SYBU: variants seen among roughly 807,000 people sequenced by gnomAD.
The protein encoded by SYBU is GOLSYN A protein.
A neutral mutation model predicts 35.9 loss-of-function variants in SYBU; 21 were observed. The ratio of observed to expected loss-of-function variants is 0.58; its 90% CI spans 0.41 to 0.84. The LOEUF (loss-of-function observed/expected upper bound fraction) is 0.84, where lower values mean the gene tolerates loss of function less well. Ranked by LOEUF, SYBU falls within the 40% of genes least tolerant of loss-of-function variation. The pLI is 0.00. For missense variants in SYBU, 768 were observed against 848.2 expected (o/e 0.91, Z 1.17); for synonymous variants, 319 against 324.3 (o/e 0.98, Z 0.18).
At chr8:109,673,579 A>G (rs1817069489) in intron 1 of SYBU, among the ~76,000 whole-genome samples, 1 of 152,218 alleles carries the variant, frequency 6.6e-6, no homozygotes, top group South Asian at 2.1e-4. Flanking sequence ...AGATGAGGAA[A>G]AAGTGCAAAA....
chr8:109,607,831 C>CACACACACAT lies in SYBU; in HGVS notation c.427+11010_427+11011insATGTGTGTGT. On this transcript the variant is annotated intron_variant, in intron 3 of 6. Coordinates refer to ENST00000276646, the MANE Select transcript of SYBU (RefSeq NM_001099754.2). ...ACTCACACACACACACACACACACA[C>CACACACACAT]ACACACACACACACACACACACAGT... 9.2e-6 allele frequency: 7 copies of CACACACACAT among 760,626 alleles called. No homozygotes were observed. The South Asian group carries it at 1.2e-4, about 13-fold the overall frequency. 47.1% of individuals were successfully genotyped at this position (760,626 alleles called of 1,614,324 possible). A position where few individuals can be genotyped will look rare whatever the true frequency, so the allele number is the denominator to read the frequency against.
Position 109,575,002 on chromosome 8 carries a change from T to C in SYBU, c.1896A>G (p.Gly632=). ...CCCCGATGTTATACACAGGATCCGT[T>C]CCCCCTCTCTGAGTACTGAATGCCC... ...VLWAFSTQRG[G]TDPVYNIGAL... Residue 632 remains glycine (G), a synonymous_variant, in exon 7 of 7, where the codon GGA becomes GGG. Transcript: ENST00000276646. 2 of 1,585,808 alleles carry C rather than the reference T, an allele frequency of 1.3e-6. No homozygotes were observed. The highest frequency in any genetic ancestry group is 2.2e-5 in the East Asian group (1 of 44,538).
intron 1 of SYBU, among the ~76,000 whole-genome samples, chr8:109,689,653 G>A (rs1438760447): frequency 6.6e-6 from 1 of 152,050 alleles, no homozygotes; most frequent in Non-Finnish European, 1.5e-5. Context: ...CTTATATGTA[G>A]ATTCGTGTAA....
intron 1 of SYBU, among the ~76,000 whole-genome samples, chr8:109,650,184 C>T (rs1485398879): frequency 6.6e-6 from 1 of 152,052 alleles, no homozygotes; most frequent in East Asian, 1.9e-4. Context: ...ACTCAGCATC[C>T]ATAGCAGTCT....
intron 2 of SYBU, among the ~76,000 whole-genome samples, chr8:109,628,706 C>A (rs188055862): frequency 6.6e-6 from 1 of 151,812 alleles, no homozygotes; most frequent in Non-Finnish European, 1.5e-5. Flanking sequence ...TCTATAGTCC[C>A]GGCTATGCAG....
At chr8:109,601,354 A>C (rs1295400676) in intron 3 of SYBU, among the ~76,000 whole-genome samples, 3 of 152,206 alleles carry the variant, frequency 2.0e-5, no homozygotes, top group African/African-American at 7.2e-5. Context: ...CAAAGATCTA[A>C]GATCAGGAAA....
Position 109,586,374 on chromosome 8 carries a change from C to T in SYBU, c.428-212G>A, listed in dbSNP as rs992979766. The T allele has an allele frequency of 5.5e-6, 3 of 541,468 alleles. No homozygotes were observed. The East Asian group carries it at 9.1e-5, about 16-fold the overall frequency. 33.5% of individuals were successfully genotyped at this position (541,468 alleles called of 1,614,324 possible). ...TCATTTCATAAACACAGCTAAGATG[C>T]ACAGTAAGGCTGGTTTCATAAAGAG... On this transcript the variant is annotated intron_variant, in intron 3 of 6. Coordinates refer to ENST00000276646, the MANE Select transcript of SYBU (RefSeq NM_001099754.2).
intron 6 of SYBU, among the ~76,000 whole-genome samples, chr8:109,576,475 C>CT (rs1437893287): frequency 1.3e-5 from 2 of 152,202 alleles, no homozygotes; most frequent in African/African-American, 4.8e-5. Flanking sequence ...ATATCCTACC[C>CT]TTTCCAAATG....
At chr8:109,672,978 T>C (rs13265058) in intron 1 of SYBU, among the ~76,000 whole-genome samples, 12,095 of 152,252 alleles carry the variant, frequency 0.079, 611 homozygotes, top group East Asian at 0.12. Flanking sequence ...GACTGCCTCT[T>C]TGGGTTCCTC....
intron 6 of SYBU, among the ~76,000 whole-genome samples, chr8:109,576,308 CAG>C: frequency 6.6e-6 from 1 of 152,234 alleles, no homozygotes. Context: ...TAATAGTAAT[CAG>C]AATCAGAATC....
intron 1 of SYBU, among the ~76,000 whole-genome samples, chr8:109,678,242 A>T (rs1817269306): frequency 6.6e-6 from 1 of 150,994 alleles, no homozygotes; most frequent in Admixed American, 6.6e-5. Context: ...ACTTTTCCAG[A>T]GTTGACCTCA....
rs139136413 is a variant in SYBU, at chr8:109,672,340, T to C, written c.-129+8371A>G. Among the ~76,000 whole-genome samples, 1,211 of 152,186 alleles carry C rather than the reference T, an allele frequency of 8.0e-3. 14 individuals are homozygous for C. The highest frequency in any genetic ancestry group is 0.027 in the African/African-American group (1,121 of 41,514). ...TTCCAACTGAGGTACCCAGCTCATC[T>C]CATTGGGGCTGGTTAGACAGTGGGT... is the stretch of plus-strand genomic sequence containing the variant. On this transcript the variant is annotated intron_variant, in intron 1 of 5. Coordinates refer to the SYBU transcript ENST00000408889.
chr8:109,597,807 C>T (rs911593428), intron 3 of SYBU, among the ~76,000 whole-genome samples: 1 of 152,180 alleles, frequency 6.6e-6, no homozygotes, highest in Non-Finnish European at 1.5e-5. Context: ...TGATTTTTAT[C>T]TAAGCATCTA....
At chr8:109,688,352 C>T (rs1394072244) in intron 1 of SYBU, among the ~76,000 whole-genome samples, 1 of 152,146 alleles carries the variant, frequency 6.6e-6, no homozygotes, top group Admixed American at 6.5e-5. Context: ...ACTGGAAATA[C>T]AAAACATTTC....
intron 3 of SYBU, among the ~76,000 whole-genome samples, chr8:109,617,255 T>A (rs1221347363): frequency 6.6e-6 from 1 of 152,194 alleles, no homozygotes; most frequent in Non-Finnish European, 1.5e-5. Flanking sequence ...ACTGTATAAT[T>A]CCATTTGTTT....
chr8:109,624,764 T>C (rs545881060), intron 2 of SYBU, among the ~76,000 whole-genome samples: 1 of 151,854 alleles, frequency 6.6e-6, no homozygotes, highest in East Asian at 1.9e-4. Flanking sequence ...GAATAATGAG[T>C]TAAATTAGAG....
Position 109,584,714 on chromosome 8 carries a change from G to A in SYBU, c.530+1346C>T, listed in dbSNP as rs1291260092. On this transcript the variant is annotated intron_variant, in intron 4 of 6. Coordinates refer to ENST00000276646, the MANE Select transcript of SYBU (RefSeq NM_001099754.2). This position sits in a 1 kb window ranked among gnomAD's most constrained non-coding sequence, Gnocchi z 4.0. ...TTTAATGATAAAACTGTGCCCTGGG[G>A]GTCTCAGGTCGCCTTATAAACATCT... Among the ~76,000 whole-genome samples the A allele has an allele frequency of 6.6e-6, 1 of 152,028 alleles. No homozygotes were observed. The highest frequency in any genetic ancestry group is 1.5e-5 in the Non-Finnish European group (1 of 68,018).
intron 1 of SYBU, among the ~76,000 whole-genome samples, chr8:109,686,480 C>T (rs1370782558): frequency 6.6e-6 from 1 of 152,176 alleles, no homozygotes; most frequent in African/African-American, 2.4e-5. Flanking sequence ...ATGGCTCCTA[C>T]TCACTTAGAC....
At chr8:109,578,358 C>G (rs991985529) in intron 5 of SYBU, among the ~76,000 whole-genome samples, 7 of 152,174 alleles carry the variant, frequency 4.6e-5, no homozygotes, top group South Asian at 2.1e-4. Context: ...TGATCTCAGA[C>G]CTAAACCTAC....
Sources: gnomAD v4.1 joint callset for allele counts (sites outside exome capture counted in the v4.1 genomes callset) on GRCh38, gnomAD v4.1.1 for gene constraint, Gnocchi (gnomAD v3.1) non-coding constraint, MANE v1.5 for transcripts, NCBI Gene and HGNC (gene_info 2026-07-23, HGNC 2026-07-21) for gene names.